The following ANGPT1 variants were observed in gnomAD, a reference collection of about 807,000 sequenced individuals.
The protein encoded by ANGPT1 is angiopoietin 1.
A neutral mutation model predicts 62.2 loss-of-function variants in ANGPT1; 17 were observed. The observed-to-expected ratio is 0.27, with a 90% CI of 0.19 to 0.41. The LOEUF (loss-of-function observed/expected upper bound fraction) is 0.41. ANGPT1 is among the 10% of genes least tolerant of loss of function. The pLI, the probability that ANGPT1 is intolerant of heterozygous loss-of-function variation, is 1.00. For synonymous variants in ANGPT1, 199 were observed against 198.9 expected (o/e 1.00, Z 0.00); for missense variants, 478 against 594.9 (o/e 0.80, Z 2.04).
At chr8:107,414,931 C>T (rs1040110780) in intron 1 of ANGPT1, among the ~76,000 whole-genome samples, 1 of 152,088 alleles carries the variant, frequency 6.6e-6, no homozygotes, top group Non-Finnish European at 1.5e-5. Context: ...AAACTGGTTA[C>T]AATATTAGTA....
At chr8:107,271,003 C>A (rs1226484470) in intron 7 of ANGPT1, among the ~76,000 whole-genome samples, 2 of 151,866 alleles carry the variant, frequency 1.3e-5, no homozygotes, top group Non-Finnish European at 2.9e-5. Flanking sequence ...TAATTTGGTA[C>A]AAAATAAGTA....
At chr8:107,457,719 A>G (rs1272601286) in intron 1 of ANGPT1, among the ~76,000 whole-genome samples, 38 of 151,948 alleles carry the variant, frequency 2.5e-4, no homozygotes, top group Non-Finnish European at 2.9e-5. Flanking sequence ...GCTCTTTACC[A>G]GAAACGAGTA....
At chr8:107,389,926 G>C (rs1415724243) in intron 1 of ANGPT1, among the ~76,000 whole-genome samples, 1 of 143,466 alleles carries the variant, frequency 7.0e-6, no homozygotes, top group Non-Finnish European at 1.5e-5. Context: ...GAACCATAAG[G>C]TTTCTTCCTA....
chr8:107,335,903 T>C (rs1054396636), intron 3 of ANGPT1, among the ~76,000 whole-genome samples: 2 of 151,594 alleles, frequency 1.3e-5, no homozygotes, highest in African/African-American at 4.8e-5. Context: ...CTACTACCAT[T>C]AGAGAAATTA....
chr8:107,406,469 T>A (rs1467072695), intron 1 of ANGPT1, among the ~76,000 whole-genome samples: 1 of 152,092 alleles, frequency 6.6e-6, no homozygotes, highest in Non-Finnish European at 1.5e-5. Flanking sequence ...TAGAGTGATA[T>A]TTTCAAGTTA....
At chr8:107,299,393 A>G (rs532146221) in intron 5 of ANGPT1, among the ~76,000 whole-genome samples, 31 of 10,882 alleles carry the variant, frequency 2.8e-3, no homozygotes, top group Middle Eastern at 0.17. Context: ...GAAGGAGTGT[A>G]TATATATATA....
intron 3 of ANGPT1, among the ~76,000 whole-genome samples, chr8:107,327,690 A>G (rs963057003): frequency 6.6e-6 from 1 of 152,110 alleles, no homozygotes; most frequent in Non-Finnish European, 1.5e-5. Flanking sequence ...CCAAGGAGAG[A>G]GTTTCTCACA....
At chr8:107,379,288 G>T (rs1479192941) in intron 1 of ANGPT1, among the ~76,000 whole-genome samples, 4 of 151,958 alleles carry the variant, frequency 2.6e-5, no homozygotes, top group Non-Finnish European at 5.9e-5. Context: ...TCCCTCCCTT[G>T]GTAGGCCACT....
At chr8:107,433,334 A>G (rs368956293) in intron 1 of ANGPT1, among the ~76,000 whole-genome samples, 9 of 152,328 alleles carry the variant, frequency 5.9e-5, no homozygotes, top group African/African-American at 2.2e-4. Context: ...TTCTATTGCA[A>G]GTGATTGGAT....
chr8:107,315,574 T>C (rs1453684292), intron 4 of ANGPT1, among the ~76,000 whole-genome samples: 2 of 152,154 alleles, frequency 1.3e-5, no homozygotes, highest in Non-Finnish European at 2.9e-5. Flanking sequence ...ACTGTCCTTT[T>C]TTTTTAAACC....
At chr8:107,260,945 T>G (rs916019744) in intron 8 of ANGPT1, among the ~76,000 whole-genome samples, 1 of 152,168 alleles carries the variant, frequency 6.6e-6, no homozygotes, top group African/African-American at 2.4e-5. Context: ...AACCAAGATG[T>G]ACATTCTTCT....
intron 1 of ANGPT1, among the ~76,000 whole-genome samples, chr8:107,373,407 AAAATATGCTG>A (rs1816457130): frequency 6.6e-6 from 1 of 152,176 alleles, no homozygotes; most frequent in African/African-American, 2.4e-5. Context: ...GTTGAATTTT[AAAATATGCTG>A]AAACATGAAA....
intron 7 of ANGPT1, among the ~76,000 whole-genome samples, chr8:107,264,647 C>T (rs1813572459): frequency 6.6e-6 from 1 of 152,046 alleles, no homozygotes; most frequent in African/African-American, 2.4e-5. Context: ...AACATAAACG[C>T]TTTTTACAAT....
chr8:107,264,155 T>G (rs541740510), intron 8 of ANGPT1, 66 bp downstream of exon 8: 3 of 1,532,764 alleles, frequency 2.0e-6, no homozygotes, highest in Non-Finnish European at 2.6e-6. Context: ...TCCTTTCTCA[T>G]AGATAAGAAA....
intron 1 of ANGPT1, among the ~76,000 whole-genome samples, chr8:107,349,587 C>T (rs940300910): frequency 6.6e-6 from 1 of 152,074 alleles, no homozygotes; most frequent in Non-Finnish European, 1.5e-5. Context: ...CACAGAGCTA[C>T]GTGTTTTCCT....
intron 7 of ANGPT1, among the ~76,000 whole-genome samples, chr8:107,273,926 T>TA (rs76777380): frequency 0.025 from 3,240 of 129,184 alleles, 48 homozygotes; most frequent in Non-Finnish European, 0.032. Flanking sequence ...GCTTCATCAT[T>TA]AAAAAAAAAA....
chr8:107,384,819 G>A (rs2130285173), intron 1 of ANGPT1, among the ~76,000 whole-genome samples: 1 of 152,180 alleles, frequency 6.6e-6, no homozygotes, highest in African/African-American at 2.4e-5. Context: ...TGGGGGTCTA[G>A]TTTCAATCTT....
intron 6 of ANGPT1, among the ~76,000 whole-genome samples, chr8:107,286,737 A>G (rs1586189132): frequency 1.3e-5 from 2 of 152,186 alleles, no homozygotes; most frequent in South Asian, 2.1e-4. Flanking sequence ...CAGTAAAGCT[A>G]TAAGACCACT....
At chr8:107,277,198 A>G (rs1813886948) in intron 7 of ANGPT1, among the ~76,000 whole-genome samples, 1 of 152,274 alleles carries the variant, frequency 6.6e-6, no homozygotes, top group East Asian at 1.9e-4. Context: ...AGGATTTACT[A>G]ATTAAGTTAA....
Sources: gnomAD v4.1 joint callset for allele counts (sites outside exome capture counted in the v4.1 genomes callset) on GRCh38, gnomAD v4.1.1 for gene constraint, MANE v1.5 for transcripts, NCBI Gene and HGNC (gene_info 2026-07-23, HGNC 2026-07-21) for gene names.